The following CTDNEP1 variants were observed in gnomAD, a reference collection of about 807,000 sequenced individuals.
CTDNEP1 encodes the protein CTD nuclear envelope phosphatase 1.
CTDNEP1 carries 3 observed loss-of-function variants against 30.1 expected under a neutral mutation model. The observed-to-expected ratio is 0.10, with a 90% CI of 0.05 to 0.26. The LOEUF (loss-of-function observed/expected upper bound fraction) is 0.26, where lower values mean the gene tolerates loss of function less well. CTDNEP1 is among the 10% of genes least tolerant of loss of function. The pLI, the probability that CTDNEP1 is intolerant of heterozygous loss-of-function variation, is 1.00. For missense variants in CTDNEP1, 158 were observed against 310.4 expected (o/e 0.51, Z 3.69); for synonymous variants, 123 against 118.8 (o/e 1.04, Z -0.23).
At chr17:7,245,346 T>C (rs2071821994) in intron 6 of CTDNEP1, among the ~76,000 whole-genome samples, 1 of 151,314 alleles carries the variant, frequency 6.6e-6, no homozygotes, top group Admixed American at 6.6e-5. Context: ...ACGCCTGTAG[T>C]CCCAACTACT....
In CTDNEP1 at chr17:7,246,938, C is replaced by T; in HGVS notation, c.289-76G>A. On this transcript the variant is annotated intron_variant, in intron 3 of 7. Coordinates refer to ENST00000574322, the MANE Select transcript of CTDNEP1 (RefSeq NM_001143775.2). This position sits in a 1 kb window ranked among gnomAD's most constrained non-coding sequence, Gnocchi z 4.9. ...GCCTAGAAAACGCCCCACCCATCTG[C>T]TTCCCTCCTCCAGGCTGACACTGGT... The T allele has an allele frequency of 2.1e-6, 3 of 1,448,108 alleles. No homozygotes were observed. In the South Asian group the frequency reaches 3.5e-5, roughly 17 times the overall value. 89.7% of individuals were successfully genotyped at this position (1,448,108 alleles called of 1,614,324 possible).
chr17:7,251,445 A>G lies in CTDNEP1; in HGVS notation c.-149T>C, dbSNP rs564320580. ...GAGGGGCACGGAGCGGGCGGCTCAG[A>G]AAGCCACCCCTGGCGAGGGTAAAGC... On this transcript the variant is annotated 5_prime_UTR_variant, in exon 1 of 8. Coordinates refer to ENST00000574322, the MANE Select transcript of CTDNEP1 (RefSeq NM_001143775.2). The G allele has an allele frequency of 6.4e-6, 3 of 468,218 alleles. No homozygotes were observed. The East Asian group carries it at 1.2e-4, about 18-fold the overall frequency. The allele number at this position is 468,218 out of a possible 1,614,324, so 29.0% of individuals were successfully genotyped here.
In CTDNEP1 at chr17:7,246,986, T is replaced by G. The variant is rs1450099651; in HGVS notation, c.288+78A>C. On this transcript the variant is annotated intron_variant, in intron 3 of 7. Coordinates refer to ENST00000574322, the MANE Select transcript of CTDNEP1 (RefSeq NM_001143775.2). This position sits in a 1 kb window ranked among gnomAD's most constrained non-coding sequence, Gnocchi z 4.9. ...GGTGCCAGCGGATGGAGACAGATGCTCTGGGACTGGGAAAGGGAGTCCAGG... is the reference window on the plus strand; with the variant it reads ...GGTGCCAGCGGATGGAGACAGATGCGCTGGGACTGGGAAAGGGAGTCCAGG... The G allele has an allele frequency of 7.1e-7, 1 of 1,415,376 alleles. No homozygotes were observed. Among genetic ancestry groups the G allele is most frequent in the African/African-American group, 1.4e-5 (1 of 70,796 alleles). 87.7% of individuals were successfully genotyped at this position (1,415,376 alleles called of 1,614,324 possible).
chr17:7,247,630 G>A (rs1044729933), intron 1 of CTDNEP1, among the ~76,000 whole-genome samples: 2 of 151,610 alleles, frequency 1.3e-5, no homozygotes, highest in African/African-American at 4.8e-5. Flanking sequence ...CACCACGCTC[G>A]GCTCATTTTT....
At position 7,251,400 on chromosome 17, in the gene CTDNEP1, G is replaced by A. The variant is rs762615099; in HGVS notation, c.-104C>T. The stretch of plus-strand genomic sequence containing the variant: ...CCGGGAGGGGGAACGGGGGCCCCGA[G>A]TGGCAGGAGAGGCTGCAGAGAGGGG... On this transcript the variant is annotated 5_prime_UTR_variant, in exon 1 of 8. Coordinates refer to ENST00000574322, the MANE Select transcript of CTDNEP1 (RefSeq NM_001143775.2). The A allele has an allele frequency of 1.1e-3, 804 of 705,666 alleles. 1 individual carries two copies. The highest frequency in any genetic ancestry group is 1.3e-3 in the Non-Finnish European group (633 of 477,466). 43.7% of individuals were successfully genotyped at this position (705,666 alleles called of 1,614,324 possible).
In CTDNEP1 at chr17:7,246,474, A is replaced by G; in HGVS notation, c.361-104T>C. ...AATGGCATAGTCCTTCAGGCCTTCC[A>G]TCAACATCAAATGTCTCTGAGGACA... On this transcript the variant is annotated intron_variant, in intron 4 of 7. Coordinates refer to ENST00000574322, the MANE Select transcript of CTDNEP1 (RefSeq NM_001143775.2). This position sits in a 1 kb window ranked among gnomAD's most constrained non-coding sequence, Gnocchi z 4.9. 1.2e-6 allele frequency: 1 copy of G among 844,966 alleles called. No homozygotes were observed. The highest frequency in any genetic ancestry group is 2.0e-6 in the Non-Finnish European group (1 of 512,146). 52.3% of individuals were successfully genotyped at this position (844,966 alleles called of 1,614,324 possible). A position where few individuals can be genotyped will look rare whatever the true frequency, so the allele number is the denominator to read the frequency against.
At chr17:7,249,396 G>A (rs1029272376) in intron 1 of CTDNEP1, among the ~76,000 whole-genome samples, 4 of 152,192 alleles carry the variant, frequency 2.6e-5, no homozygotes, top group Non-Finnish European at 5.9e-5. Context: ...ATCTCGGGTT[G>A]CATATGCTGG....
At chr17:7,245,539 C>T (rs984227700) in intron 6 of CTDNEP1, among the ~76,000 whole-genome samples, 1 of 151,716 alleles carries the variant, frequency 6.6e-6, no homozygotes, top group Non-Finnish European at 1.5e-5. Context: ...CGCTCTGTCA[C>T]CCAGGCTGGA....
At chr17:7,247,466 TC>T in intron 1 of CTDNEP1, 123 bp from the exon 2 acceptor site, 1 of 733,172 alleles carries the variant, frequency 1.4e-6, no homozygotes, top group Non-Finnish European at 2.3e-6. Flanking sequence ...GCTTATTTCT[TC>T]TTCTTTTTTT....
At chr17:7,250,572 A>G (rs1567588675) in intron 1 of CTDNEP1, among the ~76,000 whole-genome samples, 1 of 152,182 alleles carries the variant, frequency 6.6e-6, no homozygotes, top group Non-Finnish European at 1.5e-5. Flanking sequence ...ACAATTAAAG[A>G]GGCCCATCGT....
chr17:7,246,269 C>T lies in CTDNEP1; in HGVS notation c.462G>A (p.Arg154=). 1 of 1,612,730 alleles carries T rather than the reference C, an allele frequency of 6.2e-7. No individual in the cohort carries two copies. Among genetic ancestry groups the T allele is most frequent in the Non-Finnish European group, 8.5e-7 (1 of 1,178,724 alleles). The change falls in exon 5 of 8, where the codon AGG becomes AGA. Residue 154 remains arginine (R), a synonymous_variant. Transcript: ENST00000574322. The surrounding 1 kb of genome is among the most constrained non-coding windows in gnomAD (Gnocchi z 4.9). The part of the protein sequence containing the change: ...KLDNSRSILK[R]RYYRQHCTLE... The stretch of plus-strand genomic sequence containing the variant: ...TCTAGCTTACCTGTCTGTAATATCT[C>T]CTCTTAAGAATGCTTCTGCTATTGT...
chr17:7,246,671 C>G lies in CTDNEP1; in HGVS notation c.360+120G>C. 1.3e-6 allele frequency: 1 copy of G among 797,396 alleles called. No individual in the cohort carries two copies. The highest frequency in any genetic ancestry group is 2.1e-6 in the Non-Finnish European group (1 of 470,986). 49.4% of individuals were successfully genotyped at this position (797,396 alleles called of 1,614,324 possible). A position where few individuals can be genotyped will look rare whatever the true frequency, so the allele number is the denominator to read the frequency against. Reference sequence around the variant, plus strand: ...CCACTCCCCTACCATTACACAGCCTCCCCTCTAGAAAACTGCTCTAACCCG... The same window carrying G: ...CCACTCCCCTACCATTACACAGCCTGCCCTCTAGAAAACTGCTCTAACCCG... On this transcript the variant is annotated intron_variant, in intron 4 of 7. Transcript: ENST00000574322. This position sits in a 1 kb window ranked among gnomAD's most constrained non-coding sequence, Gnocchi z 4.9.
At chr17:7,248,500 T>C (rs1424931762) in intron 1 of CTDNEP1, among the ~76,000 whole-genome samples, 1 of 150,434 alleles carries the variant, frequency 6.6e-6, no homozygotes, top group East Asian at 2.0e-4. Flanking sequence ...GCTGGGACTA[T>C]AGGCGCGCGA....
At chr17:7,245,574 C>CT (rs1490668638) in intron 6 of CTDNEP1, among the ~76,000 whole-genome samples, 1 of 151,970 alleles carries the variant, frequency 6.6e-6, no homozygotes, top group Non-Finnish European at 1.5e-5. Flanking sequence ...TCTCGGCTCA[C>CT]TGCAACCTCC....
intron 1 of CTDNEP1, among the ~76,000 whole-genome samples, chr17:7,249,198 A>C (rs1324759165): frequency 1.3e-5 from 2 of 152,174 alleles, no homozygotes; most frequent in African/African-American, 4.8e-5. Flanking sequence ...AAAGCCTGGC[A>C]ATTCCCTCTT....
chr17:7,251,843 G>C (rs535668672), upstream of CTDNEP1: 3 of 153,980 alleles, frequency 1.9e-5, no homozygotes, highest in South Asian at 5.4e-4. Context: ...GGGAGCCGGA[G>C]GGCGCAGAGC....
rs371164291 is a variant in CTDNEP1 at position 7,244,218 on chromosome 17, C to T, written c.702G>A (p.Leu234=). The change falls in exon 8 of 8, where the codon CTG becomes CTA. Residue 234 remains leucine (L), a synonymous_variant. Coordinates refer to ENST00000574322, the MANE Select transcript of CTDNEP1 (RefSeq NM_001143775.2). ...LRFTADVRSV[L]SRNLHQHRLW ...GCCGATGTTGGTGAAGGTTTCGGCT[C>T]AGCACGGAACGAACATCAGCGGTGA... 3.1e-6 allele frequency: 5 copies of T among 1,614,088 alleles called. No homozygotes were observed. Among genetic ancestry groups the T allele is most frequent in the Non-Finnish European group, 2.5e-6 (3 of 1,180,026 alleles).
intron 1 of CTDNEP1, among the ~76,000 whole-genome samples, chr17:7,248,366 T>C (rs1448351153): frequency 2.0e-5 from 3 of 148,542 alleles, no homozygotes. Context: ...TTTTTTCTTT[T>C]TTTTTTTTTT....
At chr17:7,248,121 C>T (rs1006145233) in intron 1 of CTDNEP1, among the ~76,000 whole-genome samples, 14 of 150,976 alleles carry the variant, frequency 9.3e-5, no homozygotes, top group East Asian at 6.2e-4. Context: ...ATTAGCTGGG[C>T]GTGGTGGTGC....
Sources: allele counts gnomAD v4.1 joint callset (sites outside exome capture counted in the v4.1 genomes callset), GRCh38; gene constraint gnomAD v4.1.1; non-coding constraint Gnocchi (gnomAD v3.1); transcripts MANE v1.5; gene names NCBI Gene and HGNC (gene_info 2026-07-23, HGNC 2026-07-21).